The following FARP1 variants were observed in gnomAD, a reference collection of about 807,000 sequenced individuals.
The protein encoded by FARP1 is FERM, ARH/RhoGEF and pleckstrin domain protein 1, also known as FERM, ARHGEF and pleckstrin domain-containing protein 1.
Under a neutral mutation model 128.8 loss-of-function variants are expected in FARP1, and 52 were observed. The observed-to-expected ratio is 0.40, with a 90% CI of 0.32 to 0.51. The LOEUF (loss-of-function observed/expected upper bound fraction) is 0.51, where lower values mean the gene tolerates loss of function less well. Among genes scored for constraint, FARP1 ranks in the 20% least tolerant of loss-of-function variants. The pLI is 0.45. For missense variants in FARP1, 1,333 were observed against 1,367.9 expected, an observed-to-expected ratio of 0.97 and a Z score of 0.40; for synonymous variants, 580 against 551.8, an observed-to-expected ratio of 1.05 and a Z score of -0.72.
At chr13:98,164,086 C>A (rs961078952) in intron 1 of FARP1, among the ~76,000 whole-genome samples, 2 of 151,850 alleles carry the variant, frequency 1.3e-5, no homozygotes, top group African/African-American at 4.8e-5. Flanking sequence ...GACTGTACCT[C>A]CATGAATAAT....
At chr13:98,324,414 G>A (rs1001458517) in intron 2 of FARP1, among the ~76,000 whole-genome samples, 2 of 152,092 alleles carry the variant, frequency 1.3e-5, no homozygotes, top group African/African-American at 4.8e-5. Context: ...GGCATTCAGT[G>A]TTTTCACATT....
intron 3 of FARP1, among the ~76,000 whole-genome samples, chr13:98,358,797 G>A (rs1387224071): frequency 6.6e-6 from 1 of 151,874 alleles, no homozygotes; most frequent in Non-Finnish European, 1.5e-5. Context: ...CACCACGCCC[G>A]GCTAATTTTT....
intron 1 of FARP1, among the ~76,000 whole-genome samples, chr13:98,145,636 C>T (rs1413294453): frequency 1.3e-5 from 2 of 152,038 alleles, no homozygotes; most frequent in African/African-American, 4.8e-5. Context: ...TTTGGGAGAC[C>T]GAGGCGGATC....
At chr13:98,324,628 G>A (rs947128492) in intron 2 of FARP1, among the ~76,000 whole-genome samples, 5 of 152,194 alleles carry the variant, frequency 3.3e-5, no homozygotes, top group African/African-American at 1.2e-4. Flanking sequence ...GTACTCACTG[G>A]TCTATTTTCT....
intron 2 of FARP1, among the ~76,000 whole-genome samples, chr13:98,256,685 G>A (rs536963741): frequency 1.5e-4 from 23 of 150,940 alleles, no homozygotes; most frequent in African/African-American, 5.6e-4. Context: ...TTGGCCTCCC[G>A]AGCAGCTGGG....
At chr13:98,299,631 T>C (rs1312807719) in intron 2 of FARP1, among the ~76,000 whole-genome samples, 1 of 152,212 alleles carries the variant, frequency 6.6e-6, no homozygotes, top group Non-Finnish European at 1.5e-5. Context: ...GAGTCTTAAC[T>C]CCAATTATAG....
At chr13:98,155,346 A>G (rs565013084) in intron 1 of FARP1, among the ~76,000 whole-genome samples, 1 of 44,458 alleles carries the variant, frequency 2.2e-5, no homozygotes, top group African/African-American at 3.6e-5. Flanking sequence ...TCTGTCTCAA[A>G]AAAAAAAAAA....
At chr13:98,339,256 C>CA (rs1201347902) in intron 2 of FARP1, among the ~76,000 whole-genome samples, 1 of 152,188 alleles carries the variant, frequency 6.6e-6, no homozygotes, top group African/African-American at 2.4e-5. Context: ...AACTTACAGT[C>CA]ACGGTAGAAG....
At chr13:98,175,073 T>A (rs988229291) in intron 1 of FARP1, among the ~76,000 whole-genome samples, 5 of 152,174 alleles carry the variant, frequency 3.3e-5, no homozygotes, top group Non-Finnish European at 7.3e-5. Context: ...CTAGGTAGCT[T>A]GGTTTGACTG....
intron 2 of FARP1, among the ~76,000 whole-genome samples, chr13:98,337,526 AGTC>A (rs1461953308): frequency 7.7e-6 from 1 of 129,076 alleles, no homozygotes; most frequent in Admixed American, 7.9e-5. Flanking sequence ...TGTGTATAGT[AGTC>A]TGTGTAGCCG....
At chr13:98,232,553 G>A (rs1594301058) in intron 2 of FARP1, among the ~76,000 whole-genome samples, 1 of 152,158 alleles carries the variant, frequency 6.6e-6, no homozygotes, top group Non-Finnish European at 1.5e-5. Flanking sequence ...AACAGCATGT[G>A]CTTATTTCAT....
intron 1 of FARP1, among the ~76,000 whole-genome samples, chr13:98,196,769 A>G (rs1261250540): frequency 6.6e-6 from 1 of 152,228 alleles, no homozygotes; most frequent in Non-Finnish European, 1.5e-5. Context: ...TGCTGTTCAT[A>G]ATCATTAATT....
intron 2 of FARP1, among the ~76,000 whole-genome samples, chr13:98,298,323 T>A (rs908077712): frequency 3.3e-5 from 5 of 152,342 alleles, no homozygotes; most frequent in African/African-American, 9.6e-5. Context: ...TTCATTCGTG[T>A]CGCATAATCT....
intron 7 of FARP1, 57 bp downstream of exon 7, chr13:98,384,901 C>A: frequency 9.9e-7 from 1 of 1,012,888 alleles, no homozygotes; most frequent in Non-Finnish European, 1.6e-6. Context: ...TGCCTCCAAC[C>A]TACATGGGTG....
chr13:98,222,076 A>G lies in FARP1; in HGVS notation c.171+8663A>G, dbSNP rs560591736. ...TTTCTCTTCTGTAGATAGAATGATC[A>G]TGTAAAAGAGCAGTTCTCAAAGCTG... On this transcript the variant is annotated intron_variant, in intron 2 of 26. Coordinates refer to ENST00000319562, the MANE Select transcript of FARP1 (RefSeq NM_005766.4). Among the ~76,000 whole-genome samples the G allele has an allele frequency of 7.2e-5, 11 of 152,366 alleles. No homozygotes were observed. In the East Asian group the frequency reaches 2.1e-3, roughly 29 times the overall value.
intron 11 of FARP1, among the ~76,000 whole-genome samples, chr13:98,391,380 T>A (rs1020237405): frequency 1.3e-5 from 2 of 152,050 alleles, no homozygotes; most frequent in African/African-American, 4.8e-5. Flanking sequence ...TGGGACTCGA[T>A]CAATCCTCCC....
chr13:98,209,134 G>T (rs1295926126), intron 1 of FARP1, among the ~76,000 whole-genome samples: 6 of 152,004 alleles, frequency 3.9e-5, no homozygotes, highest in Admixed American at 3.3e-4. Flanking sequence ...TCAGCCTCCC[G>T]AGTAGCTGGG....
chr13:98,345,979 G>A (rs1017179489), intron 3 of FARP1, among the ~76,000 whole-genome samples: 2 of 152,006 alleles, frequency 1.3e-5, no homozygotes, highest in Admixed American at 6.6e-5. Flanking sequence ...TTCCTGCAAC[G>A]GTGCATTATA....
At chr13:98,329,896 A>T (rs1008282822) in intron 2 of FARP1, 14 of 152,174 alleles carry the variant, frequency 9.2e-5, no homozygotes, top group Non-Finnish European at 2.1e-4. Flanking sequence ...GGCAGTGTGT[A>T]AGGAGCGTTA....
Sources: gnomAD v4.1 joint callset for allele counts (sites outside exome capture counted in the v4.1 genomes callset) on GRCh38, gnomAD v4.1.1 for gene constraint, MANE v1.5 for transcripts, NCBI Gene and HGNC (gene_info 2026-07-23, HGNC 2026-07-21) for gene names.